The following KCNK2 variants were observed in gnomAD, a reference collection of about 807,000 sequenced individuals.
KCNK2 encodes potassium channel subfamily K member 2.
A neutral mutation model predicts 40.5 loss-of-function variants in KCNK2; 21 were observed. The ratio of observed to expected loss-of-function variants is 0.52; its 90% CI spans 0.37 to 0.75. The LOEUF (loss-of-function observed/expected upper bound fraction) is 0.75. KCNK2 is among the 30% of genes least tolerant of loss of function. The pLI is 0.00. For synonymous variants in KCNK2, 191 were observed against 202.2 expected (o/e 0.94, Z 0.47); for missense variants, 399 against 531.6 (o/e 0.75, Z 2.45).
At chr1:215,171,968 AT>A (rs1663732300) in intron 4 of KCNK2, 28 bp from the exon 5 acceptor site, 1 of 1,510,344 alleles carries the variant, frequency 6.6e-7, no homozygotes, top group South Asian at 1.2e-5. Context: ...ATATATATAT[AT>A]ACACACACCT....
intron 2 of KCNK2, among the ~76,000 whole-genome samples, chr1:215,102,944 T>C (rs886699809): frequency 6.6e-6 from 1 of 151,992 alleles, no homozygotes; most frequent in African/African-American, 2.4e-5. Context: ...CAGACCCCCA[T>C]GTAAGAAACA....
chr1:215,021,848 C>T (rs1424525318), intron 1 of KCNK2, among the ~76,000 whole-genome samples: 1 of 152,130 alleles, frequency 6.6e-6, no homozygotes, highest in African/African-American at 2.4e-5. Context: ...TGCGCCCGGC[C>T]ACAACCATCT....
rs1666855004 is a variant in KCNK2, at chr1:215,235,717, G to A, written c.*572G>A. 6.6e-6 allele frequency: 1 copy of A among 152,550 alleles called. No individual in the cohort carries two copies. The highest frequency in any genetic ancestry group is 2.1e-4 in the South Asian group (1 of 4,822). 9.4% of individuals were successfully genotyped at this position (152,550 alleles called of 1,614,324 possible). A position where few individuals can be genotyped will look rare whatever the true frequency, so the allele number is the denominator to read the frequency against. On this transcript the variant is annotated 3_prime_UTR_variant, in exon 7 of 7. Coordinates refer to ENST00000444842, the MANE Select transcript of KCNK2 (RefSeq NM_001017425.3). ...CTCACCTCTGCAGTCTTTTACCCCA[G>A]TTCTCCCATTTGAATACCATACCTT... is the stretch of plus-strand genomic sequence containing the variant.
At position 215,051,859 on chromosome 1, in the gene KCNK2, G is replaced by A. The variant is rs528538464; in HGVS notation, c.35-34509G>A. On this transcript the variant is annotated intron_variant, in intron 1 of 6. Transcript: ENST00000391895. The stretch of plus-strand genomic sequence containing the variant: ...CAGTTTATACTTTAATTTGAGGTGA[G>A]ATAAGAAAATTTTGGATTGTTTTGA... 2.6e-5 allele frequency among the ~76,000 whole-genome samples: 4 copies of A among 152,246 alleles called. No homozygotes were observed. In the East Asian group the frequency reaches 5.8e-4, roughly 22 times the overall value.
intron 3 of KCNK2, among the ~76,000 whole-genome samples, chr1:215,145,384 G>A (rs1051785393): frequency 2.0e-5 from 3 of 152,046 alleles, no homozygotes; most frequent in Admixed American, 2.0e-4. Flanking sequence ...CAAGACACCT[G>A]GGCTCTAGAG....
intron 3 of KCNK2, among the ~76,000 whole-genome samples, chr1:215,168,033 C>T (rs116629543): frequency 0.031 from 4,678 of 151,668 alleles, 95 homozygotes; most frequent in South Asian, 0.059. Flanking sequence ...GAAAAAAAAC[C>T]GATAAAAAAC....
chr1:215,132,693 AT>A (rs1661729064), intron 3 of KCNK2, among the ~76,000 whole-genome samples: 1 of 152,200 alleles, frequency 6.6e-6, no homozygotes, highest in African/African-American at 2.4e-5. Context: ...ATATCGGAAT[AT>A]TATTAGTAAC....
At chr1:215,112,770 A>C (rs1165213501) in intron 2 of KCNK2, among the ~76,000 whole-genome samples, 1 of 152,200 alleles carries the variant, frequency 6.6e-6, no homozygotes, top group Non-Finnish European at 1.5e-5. Context: ...TTCAGTACAG[A>C]AAAATGCTGT....
chr1:215,084,670 T>C (rs1375640411), intron 1 of KCNK2, among the ~76,000 whole-genome samples: 3 of 152,222 alleles, frequency 2.0e-5, no homozygotes, highest in Non-Finnish European at 2.9e-5. Flanking sequence ...ATAAATATTT[T>C]AAAGGTATCT....
chr1:215,199,174 G>A (rs1466658335), intron 6 of KCNK2, among the ~76,000 whole-genome samples: 2 of 151,896 alleles, frequency 1.3e-5, no homozygotes, highest in East Asian at 3.9e-4. Flanking sequence ...TGGGTATGGG[G>A]GTGGGTGCCT....
intron 1 of KCNK2, among the ~76,000 whole-genome samples, chr1:215,050,057 G>T (rs946198269): frequency 8.5e-5 from 13 of 152,182 alleles, no homozygotes; most frequent in African/African-American, 2.6e-4. Flanking sequence ...GTGAGATTTT[G>T]ATAAGAGTTG....
intron 1 of KCNK2, among the ~76,000 whole-genome samples, chr1:215,014,083 C>A (rs1656500412): frequency 6.6e-6 from 1 of 152,092 alleles, no homozygotes; most frequent in South Asian, 2.1e-4. Context: ...AGGAAATTCT[C>A]TTTTATTCTT....
chr1:215,099,509 G>C (rs1276162310), intron 2 of KCNK2, among the ~76,000 whole-genome samples: 1 of 151,962 alleles, frequency 6.6e-6, no homozygotes, highest in South Asian at 2.1e-4. Flanking sequence ...AAGTTAAAAA[G>C]TTTGTATTCT....
At chr1:215,008,755 T>C (rs1043678952) in intron 1 of KCNK2, among the ~76,000 whole-genome samples, 2 of 152,146 alleles carry the variant, frequency 1.3e-5, no homozygotes, top group Admixed American at 6.6e-5. Context: ...TATTCAAAGT[T>C]GCAACTCAAT....
chr1:215,172,005 T>C lies in KCNK2; in HGVS notation c.645T>C (p.Asn215=). ...AKVEDTFIKW[N]VSQTKIRIIS... is the part of the protein sequence containing the mutation. ...TTCTGTCTCATCCCTAGAAGTGGAATGTTAGTCAGACCAAGATTCGCATCA... is the reference window on the plus strand; with the variant it reads ...TTCTGTCTCATCCCTAGAAGTGGAACGTTAGTCAGACCAAGATTCGCATCA... The change falls in exon 5 of 7, where the codon AAT becomes AAC. Residue 215 remains asparagine (N), a synonymous_variant. Transcript: ENST00000444842. 1.9e-6 allele frequency: 3 copies of C among 1,611,586 alleles called. No homozygotes were observed. Among genetic ancestry groups the C allele is most frequent in the Non-Finnish European group, 2.5e-6 (3 of 1,178,208 alleles).
At chr1:215,209,392 TTA>T (rs1299595999) in intron 6 of KCNK2, among the ~76,000 whole-genome samples, 2 of 64,182 alleles carry the variant, frequency 3.1e-5, no homozygotes, top group South Asian at 4.9e-4. Flanking sequence ...AATATATATA[TTA>T]TATATAAAAT....
At chr1:215,182,762 TTA>T (rs1423783205) in intron 5 of KCNK2, among the ~76,000 whole-genome samples, 3 of 152,126 alleles carry the variant, frequency 2.0e-5, no homozygotes, top group African/African-American at 7.2e-5. Context: ...ATTGTTGACT[TTA>T]TGTTTGTCCA....
At chr1:215,079,313 T>C (rs1341647372), upstream of KCNK2, among the ~76,000 whole-genome samples, 1 of 152,150 alleles carries the variant, frequency 6.6e-6, no homozygotes. Context: ...AGAGGTTGGA[T>C]TGATTCACAG....
chr1:215,096,941 C>A (rs1660001327), intron 2 of KCNK2, among the ~76,000 whole-genome samples: 1 of 151,844 alleles, frequency 6.6e-6, no homozygotes, highest in South Asian at 2.1e-4. Flanking sequence ...AACAATAGTG[C>A]TTTGCTTTGT....
Sources: gnomAD v4.1 joint callset for allele counts (sites outside exome capture counted in the v4.1 genomes callset) on GRCh38, gnomAD v4.1.1 for gene constraint, MANE v1.5 for transcripts, NCBI Gene and HGNC (gene_info 2026-07-23, HGNC 2026-07-21) for gene names.